Variants in PRKCH observed in about 807,000 individuals in gnomAD.
PRKCH encodes the protein protein kinase C eta type.
PRKCH carries 28 observed loss-of-function variants against 82.5 expected under a neutral mutation model. That is an observed-to-expected ratio of 0.34 (90% CI 0.25 to 0.47). The LOEUF (loss-of-function observed/expected upper bound fraction) is 0.47, where lower values mean the gene tolerates loss of function less well. Among genes scored for constraint, PRKCH ranks in the 20% least tolerant of loss-of-function variants. The pLI, the probability that PRKCH is intolerant of heterozygous loss-of-function variation, is 1.00. For missense variants in PRKCH, 705 were observed against 881.8 expected, an observed-to-expected ratio of 0.80 and a Z score of 2.54; for synonymous variants, 322 against 327.4, an observed-to-expected ratio of 0.98 and a Z score of 0.18.
At chr14:61,493,103 T>C (rs562587784) in intron 10 of PRKCH, among the ~76,000 whole-genome samples, 1 of 152,290 alleles carries the variant, frequency 6.6e-6, no homozygotes, top group African/African-American at 2.4e-5. Context: ...CTTACTGTTC[T>C]TGAGATGTTT....
intron 1 of PRKCH, among the ~76,000 whole-genome samples, chr14:61,374,455 A>G (rs1471245666): frequency 6.6e-6 from 1 of 152,054 alleles, no homozygotes; most frequent in East Asian, 1.9e-4. Context: ...GTGCCCTCAT[A>G]GAGGTTCACC....
rs993642429 is a variant in PRKCH at position 61,279,956 on chromosome 14, C to T, written c.-19+92288C>T. On this transcript the variant is annotated intron_variant, in intron 1 of 3. Transcript: ENST00000555185. Reference sequence around the variant, plus strand: ...CCCCAAGAGCAAGGGGGGTAATTCCCTTATCTGGTCCCCTCATTCACAAAG... The same window carrying T: ...CCCCAAGAGCAAGGGGGGTAATTCCTTTATCTGGTCCCCTCATTCACAAAG... The T allele has an allele frequency of 1.2e-5, 9 of 767,692 alleles. No individual in the cohort carries two copies. In the African/African-American group the frequency reaches 1.4e-4, roughly 12 times the overall value. 47.6% of individuals were successfully genotyped at this position (767,692 alleles called of 1,614,324 possible). A position where few individuals can be genotyped will look rare whatever the true frequency, so the allele number is the denominator to read the frequency against.
In PRKCH at chr14:61,443,675, A is replaced by C. The variant is rs567726362; in HGVS notation, c.578+414A>C. 2.0e-5 allele frequency among the ~76,000 whole-genome samples: 3 copies of C among 152,374 alleles called. No individual in the cohort carries two copies. The East Asian group carries it at 5.8e-4, about 29-fold the overall frequency. Reference sequence around the variant, plus strand: ...GGAAATTAATGGTTGCGAGAAAACTAAACACAAAGTAGTCTTCGGCCTCTT... The same window carrying C: ...GGAAATTAATGGTTGCGAGAAAACTCAACACAAAGTAGTCTTCGGCCTCTT... On this transcript the variant is annotated intron_variant, in intron 3 of 13. Transcript: ENST00000332981.
At chr14:61,547,501 G>T (rs2043273049) in intron 12 of PRKCH, among the ~76,000 whole-genome samples, 1 of 152,176 alleles carries the variant, frequency 6.6e-6, no homozygotes, top group African/African-American at 2.4e-5. Context: ...GGACCCTCCT[G>T]CTTTCTTTTA....
intron 1 of PRKCH, among the ~76,000 whole-genome samples, chr14:61,255,218 G>A (rs980423450): frequency 5.3e-5 from 8 of 152,112 alleles, no homozygotes; most frequent in African/African-American, 1.9e-4. Flanking sequence ...GCAGGTTGTG[G>A]GACTCACTTA....
chr14:61,243,257 G>A (rs530251465), intron 1 of PRKCH, among the ~76,000 whole-genome samples: 1 of 151,828 alleles, frequency 6.6e-6, no homozygotes, highest in South Asian at 2.1e-4. Context: ...AATTCACCAG[G>A]TGTGGTTGTG....
chr14:61,503,150 T>C (rs970861962), intron 10 of PRKCH, among the ~76,000 whole-genome samples: 1 of 152,020 alleles, frequency 6.6e-6, no homozygotes, highest in Non-Finnish European at 1.5e-5. Flanking sequence ...GTCCATTTTA[T>C]TGCTGCACCA....
chr14:61,439,511 A>G (rs771864506), intron 2 of PRKCH, among the ~76,000 whole-genome samples: 1 of 152,190 alleles, frequency 6.6e-6, no homozygotes, highest in Non-Finnish European at 1.5e-5. Flanking sequence ...AAGTTTGTCC[A>G]TGTCCCTGTA....
chr14:61,509,322 C>T (rs1887279116), intron 10 of PRKCH, among the ~76,000 whole-genome samples: 1 of 152,164 alleles, frequency 6.6e-6, no homozygotes, highest in Admixed American at 6.5e-5. Context: ...TGAAAACATG[C>T]AGCCTCAAAG....
At chr14:61,227,428 C>G (rs890874307) in intron 1 of PRKCH, among the ~76,000 whole-genome samples, 1 of 152,068 alleles carries the variant, frequency 6.6e-6, no homozygotes, top group African/African-American at 2.4e-5. Context: ...CCCGTCTCTA[C>G]TAAAAAATAT....
At chr14:61,423,518 C>T (rs1245280858) in intron 2 of PRKCH, among the ~76,000 whole-genome samples, 4 of 152,138 alleles carry the variant, frequency 2.6e-5, no homozygotes, top group Non-Finnish European at 5.9e-5. Flanking sequence ...TCTGCAGATA[C>T]CTTTGGATGA....
intron 2 of PRKCH, among the ~76,000 whole-genome samples, chr14:61,439,399 C>T (rs1177342818): frequency 6.6e-6 from 1 of 152,024 alleles, no homozygotes; most frequent in East Asian, 1.9e-4. Flanking sequence ...TTTATGTGAC[C>T]AAATGTCTTG....
At chr14:61,379,807 T>A (rs1019415057) in intron 1 of PRKCH, among the ~76,000 whole-genome samples, 2 of 152,176 alleles carry the variant, frequency 1.3e-5, no homozygotes, top group Admixed American at 6.5e-5. Context: ...GTTTAGTACC[T>A]CTTCCTAGTA....
intron 9 of PRKCH, among the ~76,000 whole-genome samples, chr14:61,464,252 T>C (rs550040266): frequency 6.6e-6 from 1 of 152,362 alleles, no homozygotes; most frequent in South Asian, 2.1e-4. Context: ...TTTTCAATAA[T>C]AGCTGTTCTG....
chr14:61,349,057 A>G (rs1453728744), intron 1 of PRKCH, among the ~76,000 whole-genome samples: 1 of 152,258 alleles, frequency 6.6e-6, no homozygotes, highest in Non-Finnish European at 1.5e-5. Context: ...CTATCCGTTT[A>G]TGCTCTTAAA....
intron 12 of PRKCH, 107 bp from the exon 13 acceptor site, chr14:61,547,636 G>T: frequency 7.1e-7 from 1 of 1,405,948 alleles, no homozygotes; most frequent in Non-Finnish European, 9.6e-7. Flanking sequence ...AGCAAGACCT[G>T]CCAGAAAGTC....
rs77209165 is a variant in PRKCH, at chr14:61,321,692, CAGG to C, written c.-404_-402del. Reference sequence around the variant, plus strand: ...GAGCGTGAGCCTTCGGAGGCGGGGGCAGGAGGAGAAGCAAGAGGAGGCGGGGGA... The same window carrying C: ...GAGCGTGAGCCTTCGGAGGCGGGGGCAGGAGAAGCAAGAGGAGGCGGGGGA... On this transcript the variant is annotated 5_prime_UTR_variant, in exon 1 of 14. Transcript: ENST00000332981. The surrounding 1 kb of genome is among the most constrained non-coding windows in gnomAD (Gnocchi z 4.1). 6,636 of 155,392 alleles carry C rather than the reference CAGG, an allele frequency of 0.043. 243 individuals carry two copies. Among genetic ancestry groups the C allele is most frequent in the East Asian group, 0.16 (799 of 5,154 alleles). The allele number at this position is 155,392 out of a possible 1,614,324, so 9.6% of individuals were successfully genotyped here.
chr14:61,202,175 A>G (rs1326699215), intron 1 of PRKCH, among the ~76,000 whole-genome samples: 2 of 152,148 alleles, frequency 1.3e-5, no homozygotes, highest in Non-Finnish European at 2.9e-5. Context: ...TCCTAGCCCC[A>G]GTGGTCTTGG....
rs369003455 is a variant in PRKCH, at chr14:61,391,319, T to A, written c.427+31T>A. ...AATGAGTTTTGGGTAGTTTCCAGAA[T>A]ACATGTAATCTTGGTTTACACTCAG... On this transcript the variant is annotated intron_variant, in intron 2 of 13. Transcript: ENST00000332981. The A allele has an allele frequency of 3.2e-5, 49 of 1,551,074 alleles. No homozygotes were observed. The African/African-American group carries it at 5.9e-4, about 19-fold the overall frequency.
Sources: gnomAD v4.1 joint callset for allele counts (sites outside exome capture counted in the v4.1 genomes callset) on GRCh38, gnomAD v4.1.1 for gene constraint, Gnocchi (gnomAD v3.1) non-coding constraint, MANE v1.5 for transcripts, NCBI Gene and HGNC (gene_info 2026-07-23, HGNC 2026-07-21) for gene names.